The following APBB1IP variants were observed in gnomAD, a reference collection of about 807,000 sequenced individuals.
APBB1IP encodes amyloid beta A4 precursor protein-binding family B member 1-interacting protein.
In APBB1IP, 27 loss-of-function variants were observed where a neutral mutation model predicts 64.9. The ratio of observed to expected loss-of-function variants is 0.42; its 90% confidence interval spans 0.31 to 0.57. APBB1IP has a LOEUF of 0.57. Among genes scored for constraint, APBB1IP ranks in the 20% least tolerant of loss-of-function variants. The pLI, the probability that APBB1IP is intolerant of heterozygous loss-of-function variation, is 0.20. For missense variants in APBB1IP, 812 were observed against 845.5 expected (o/e 0.96, Z 0.49); for synonymous variants, 392 against 331.0 (o/e 1.18, Z -2.00).
intron 3 of APBB1IP, among the ~76,000 whole-genome samples, chr10:26,493,210 T>C (rs1835979314): frequency 6.6e-6 from 1 of 152,160 alleles, no homozygotes; most frequent in African/African-American, 2.4e-5. Context: ...ATCACTGTAA[T>C]CCTGTTCTTT....
intron 2 of APBB1IP, among the ~76,000 whole-genome samples, chr10:26,483,587 G>A (rs1835860556): frequency 6.6e-6 from 1 of 152,186 alleles, no homozygotes; most frequent in African/African-American, 2.4e-5. Context: ...CTTCTTGGTA[G>A]ACAGACAGGT....
chr10:26,552,427 C>T (rs111809745), intron 11 of APBB1IP, among the ~76,000 whole-genome samples: 81 of 152,016 alleles, frequency 5.3e-4, no homozygotes, highest in African/African-American at 1.9e-3. Context: ...GGGAGACCCC[C>T]GTCTCTACAA....
chr10:26,515,552 C>G (rs913190424), intron 8 of APBB1IP, among the ~76,000 whole-genome samples: 1 of 152,300 alleles, frequency 6.6e-6, no homozygotes, highest in East Asian at 1.9e-4. Flanking sequence ...ACAGCTAAAA[C>G]TAGGGAGTTA....
rs138239769 is a variant in APBB1IP at position 26,536,028 on chromosome 10, C to T, written c.901-46C>T. ...TTTTAAATGTGAATAAAAATGCGTGCTTTATCTTTCGTGTGTGTCTTATGT... is the reference window on the plus strand; with the variant it reads ...TTTTAAATGTGAATAAAAATGCGTGTTTTATCTTTCGTGTGTGTCTTATGT... On this transcript the variant is annotated intron_variant, in intron 9 of 14. Coordinates refer to ENST00000376236, the MANE Select transcript of APBB1IP (RefSeq NM_019043.4). The T allele has an allele frequency of 9.1e-4, 1,378 of 1,521,390 alleles. 6 individuals carry two copies. In the African/African-American group the frequency reaches 0.017, roughly 19 times the overall value. 94.2% of individuals were successfully genotyped at this position (1,521,390 alleles called of 1,614,324 possible).
intron 2 of APBB1IP, among the ~76,000 whole-genome samples, chr10:26,482,960 C>G (rs895373287): frequency 6.7e-6 from 1 of 150,234 alleles, no homozygotes; most frequent in Admixed American, 6.6e-5. Flanking sequence ...TCATGGTGGC[C>G]GGTGCCTGTA....
chr10:26,564,663 G>A (rs1411422878), intron 14 of APBB1IP, among the ~76,000 whole-genome samples: 3 of 151,938 alleles, frequency 2.0e-5, no homozygotes, highest in Non-Finnish European at 4.4e-5. Context: ...ATTAGCTGGG[G>A]GTGTTGGCAC....
At position 26,567,378 on chromosome 10, in the gene APBB1IP, C is replaced by G. The variant is rs771072897; in HGVS notation, c.1891C>G (p.Pro631Ala). Residue 631 changes from proline (P) to alanine (A), a missense_variant, in exon 15 of 15, where the codon CCC becomes GCC. Transcript: ENST00000376236. ...PAVAKRPPVP[P>A]KRQENPGHPG... ...GGTGGCCAAGAGGCCTCCTGTGCCC[C>G]CCAAGAGGCAAGAGAACCCAGGGCA... The G allele has an allele frequency of 2.8e-5, 44 of 1,577,022 alleles. No individual in the cohort carries two copies. Among genetic ancestry groups the G allele is most frequent in the Non-Finnish European group, 3.5e-5 (40 of 1,158,034 alleles).
At chr10:26,501,995 A>G (rs1198633117) in intron 5 of APBB1IP, 1 of 152,234 alleles carries the variant, frequency 6.6e-6, no homozygotes, top group Non-Finnish European at 1.5e-5. Context: ...GGAGATCGAT[A>G]TAGAACAGAG....
chr10:26,450,704 T>TTC (rs1208308709), intron 2 of APBB1IP, among the ~76,000 whole-genome samples: 1 of 151,468 alleles, frequency 6.6e-6, no homozygotes, highest in Non-Finnish European at 1.5e-5. Context: ...TTTTTTTTTT[T>TTC]TTGACACTGA....
intron 6 of APBB1IP, among the ~76,000 whole-genome samples, chr10:26,505,725 A>G (rs557261484): frequency 6.6e-6 from 1 of 152,154 alleles, no homozygotes; most frequent in African/African-American, 2.4e-5. Context: ...CCACCAAGAC[A>G]TCTACCTATC....
intron 14 of APBB1IP, among the ~76,000 whole-genome samples, chr10:26,565,449 C>A (rs1243969796): frequency 6.6e-6 from 1 of 152,070 alleles, no homozygotes; most frequent in Non-Finnish European, 1.5e-5. Flanking sequence ...CTGAGCCAAC[C>A]CCACAAGAGA....
At chr10:26,456,242 G>T (rs1288940089) in intron 2 of APBB1IP, among the ~76,000 whole-genome samples, 1 of 152,298 alleles carries the variant, frequency 6.6e-6, no homozygotes, top group Non-Finnish European at 1.5e-5. Context: ...CATTTCACCT[G>T]CATGCAAGGA....
chr10:26,538,515 C>T (rs1302992394), intron 10 of APBB1IP, among the ~76,000 whole-genome samples: 1 of 150,380 alleles, frequency 6.6e-6, no homozygotes. Context: ...GTGGCGGGCG[C>T]CTGTAATCCC....
chr10:26,556,646 C>G (rs190645404), intron 11 of APBB1IP, among the ~76,000 whole-genome samples: 1 of 152,308 alleles, frequency 6.6e-6, no homozygotes, highest in East Asian at 1.9e-4. Flanking sequence ...AAATGGCTAA[C>G]TCTATATAAG....
intron 11 of APBB1IP, among the ~76,000 whole-genome samples, chr10:26,557,844 GA>G (rs1235756536): frequency 9.2e-5 from 14 of 152,172 alleles, no homozygotes; most frequent in African/African-American, 3.4e-4. Flanking sequence ...GAAGTTTAAA[GA>G]CACGAGACCC....
intron 11 of APBB1IP, among the ~76,000 whole-genome samples, chr10:26,546,816 A>G (rs72805215): frequency 0.16 from 24,167 of 152,128 alleles, 2,356 homozygotes; most frequent in East Asian, 0.26. Context: ...ATTTAGGTTG[A>G]TTCTATATTT....
At chr10:26,467,021 A>AT (rs1272706195) in intron 2 of APBB1IP, among the ~76,000 whole-genome samples, 4 of 151,834 alleles carry the variant, frequency 2.6e-5, no homozygotes, top group Admixed American at 6.6e-5. Context: ...TTAACACCAG[A>AT]TTTTTTTTCA....
intron 2 of APBB1IP, among the ~76,000 whole-genome samples, chr10:26,483,127 C>T (rs1011389207): frequency 3.1e-5 from 4 of 129,844 alleles, no homozygotes; most frequent in Non-Finnish European, 4.9e-5. Flanking sequence ...GCAGTCAATA[C>T]TAGGATACAA....
intron 2 of APBB1IP, among the ~76,000 whole-genome samples, chr10:26,482,549 T>C (rs548685070): frequency 6.6e-6 from 1 of 152,342 alleles, no homozygotes; most frequent in African/African-American, 2.4e-5. Context: ...AATTCTGTAG[T>C]GCGTATTTCA....
Sources: gnomAD v4.1 joint callset for allele counts (sites outside exome capture counted in the v4.1 genomes callset) on GRCh38, gnomAD v4.1.1 for gene constraint, MANE v1.5 for transcripts, NCBI Gene and HGNC (gene_info 2026-07-23, HGNC 2026-07-21) for gene names.